Variants in PPL observed in about 807,000 individuals in gnomAD.
The protein encoded by PPL is periplakin.
PPL carries 198 observed loss-of-function variants against 194.4 expected under a neutral mutation model. The ratio of observed to expected loss-of-function variants is 1.02; its 90% CI spans 0.91 to 1.15. PPL has a LOEUF of 1.15. Ranked by LOEUF, PPL falls within the 50% of genes most tolerant of loss-of-function variation. The pLI is 0.00. For synonymous variants in PPL, 1,220 were observed against 972.4 expected, an observed-to-expected ratio of 1.25 and a Z score of -4.74; for missense variants, 2,885 against 2,294.8, an observed-to-expected ratio of 1.26 and a Z score of -5.25.
chr16:4,910,623 T>C (rs1222684234), intron 2 of PPL, among the ~76,000 whole-genome samples: 1 of 152,164 alleles, frequency 6.6e-6, no homozygotes, highest in East Asian at 1.9e-4. Flanking sequence ...TTGGCACCCC[T>C]GCCCTACAGT....
intron 14 of PPL, 128 bp from the exon 15 acceptor site, chr16:4,892,341 C>A: frequency 9.5e-7 from 1 of 1,057,130 alleles, no homozygotes; most frequent in Non-Finnish European, 1.3e-6. Context: ...CTGGCACATT[C>A]TGGGGCTCTG....
At chr16:4,897,332 C>CA (rs57191109) in intron 9 of PPL, among the ~76,000 whole-genome samples, 11,809 of 51,838 alleles carry the variant, frequency 0.23, 1,217 homozygotes, top group East Asian at 0.26. Flanking sequence ...AAGACTCTCT[C>CA]AAAAAAAAAA....
intron 6 of PPL, 31 bp from the exon 7 acceptor site, chr16:4,899,415 G>A (rs750456463): frequency 2.1e-5 from 32 of 1,549,978 alleles, no homozygotes; most frequent in Middle Eastern, 1.8e-4. Context: ...AAAGGGCTGC[G>A]TCCTCAGCCC....
chr16:4,901,698 T>C (rs964316297), intron 4 of PPL, among the ~76,000 whole-genome samples: 1 of 142,040 alleles, frequency 7.0e-6, no homozygotes, highest in African/African-American at 2.7e-5. Context: ...CAAAAATAAA[T>C]AAATAAATAA....
rs115478590 is a variant in PPL at position 4,902,510 on chromosome 16, C to T, written c.334G>A (p.Glu112Lys). 941 of 1,613,640 alleles carry T rather than the reference C, an allele frequency of 5.8e-4. 7 individuals carry two copies. In the African/African-American group the frequency reaches 0.011, roughly 19 times the overall value. ...MIAEDIRQLK[E>K]RVTNLRGKHK... Reference sequence around the variant, plus strand: ...TTCCCGCGCAGGTTGGTCACACGCTCCTTCAGCTGGCGGATACTGATGGGA... The same window carrying T: ...TTCCCGCGCAGGTTGGTCACACGCTTCTTCAGCTGGCGGATACTGATGGGA... Residue 112 changes from glutamate (E) to lysine (K), a missense_variant, in exon 4 of 22, where the codon GAG (glutamate) becomes AAG (lysine). Coordinates refer to ENST00000345988, the MANE Select transcript of PPL (RefSeq NM_002705.5). The surrounding 1 kb of genome is among the most constrained non-coding windows in gnomAD (Gnocchi z 4.0).
rs199792362 is a variant in PPL at position 4,909,424 on chromosome 16, C to CTTTTTTTTTTT, written c.162+1415_162+1425dup. Among the ~76,000 whole-genome samples, 53 of 118,228 alleles carry CTTTTTTTTTTT rather than the reference C, an allele frequency of 4.5e-4. 1 individual carries two copies. Among genetic ancestry groups the CTTTTTTTTTTT allele is most frequent in the African/African-American group, 1.7e-3 (43 of 25,364 alleles). 77.6% of individuals were successfully genotyped at this position (118,228 alleles called of 152,430 possible). On this transcript the variant is annotated intron_variant, in intron 2 of 21. Transcript: ENST00000345988. Reference sequence around the variant, plus strand: ...CAGCCTCCCACTCCTCTGGTCCCACCTTTTTTTTTTTTTTTTTTTTTTGAG... The same window carrying CTTTTTTTTTTT: ...CAGCCTCCCACTCCTCTGGTCCCACCTTTTTTTTTTTTTTTTTTTTTTTTTTTTTTTTTGAG...
At position 4,902,875 on chromosome 16, in the gene PPL, G is replaced by C. The variant is rs1347078247; in HGVS notation, c.318-349C>G. On this transcript the variant is annotated intron_variant, in intron 3 of 21. Transcript: ENST00000345988. This position sits in a 1 kb window ranked among gnomAD's most constrained non-coding sequence, Gnocchi z 4.0. Reference sequence around the variant, plus strand: ...TGGGTAATTTTGTATTTTCAGTAGAGACGGGGTTTCACCATGTTGGTCAGG... The same window carrying C: ...TGGGTAATTTTGTATTTTCAGTAGACACGGGGTTTCACCATGTTGGTCAGG... Among the ~76,000 whole-genome samples the C allele has an allele frequency of 6.6e-6, 1 of 152,162 alleles. No homozygotes were observed. The highest frequency in any genetic ancestry group is 2.4e-5 in the African/African-American group (1 of 41,448).
intron 17 of PPL, among the ~76,000 whole-genome samples, 168 bp downstream of exon 17, chr16:4,890,560 C>T (rs73519120): frequency 0.016 from 2,473 of 152,174 alleles, 60 homozygotes; most frequent in African/African-American, 0.056. Context: ...ATTACAGGAC[C>T]CAGGTAAGCA....
At chr16:4,936,548 G>A (rs1372071315) in intron 1 of PPL, among the ~76,000 whole-genome samples, 1 of 152,322 alleles carries the variant, frequency 6.6e-6, no homozygotes, top group Admixed American at 6.5e-5. Flanking sequence ...CCCCTGGACG[G>A]AGCTTCCTGG....
Position 4,890,196 on chromosome 16 carries a change from C to G in PPL, c.2301G>C (p.Leu767=). Residue 767 remains leucine, a synonymous_variant, in exon 18 of 22, where the codon CTG becomes CTC. Coordinates refer to ENST00000345988, the MANE Select transcript of PPL (RefSeq NM_002705.5). The stretch of plus-strand genomic sequence containing the variant: ...ACGGCCATCTCACCTTCTGGTTCTT[C>G]AGCTTGGTCTCCATCTGGCTGAGGC... The part of the protein sequence containing the change: ...TDSLSQMETK[L]KNQKNLLDEI... 2 of 1,614,192 alleles carry G rather than the reference C, an allele frequency of 1.2e-6. No homozygotes were observed. The highest frequency in any genetic ancestry group is 2.7e-5 in the African/African-American group (2 of 75,050).
chr16:4,887,294 A>G (rs2088234911), intron 20 of PPL, 67 bp from the exon 21 acceptor site: 2 of 1,182,820 alleles, frequency 1.7e-6, no homozygotes, highest in Non-Finnish European at 2.5e-6. Flanking sequence ...ACAGAGAGCT[A>G]GACAGCGTGG....
In PPL at chr16:4,883,270, A is replaced by G. The variant is rs1322135887; in HGVS notation, c.*114T>C. 7 of 1,405,248 alleles carry G rather than the reference A, an allele frequency of 5.0e-6. No individual in the cohort carries two copies. The highest frequency in any genetic ancestry group is 5.9e-6 in the Non-Finnish European group (6 of 1,023,788). The allele number at this position is 1,405,248 out of a possible 1,614,324, so 87.0% of individuals were successfully genotyped here. ...CTCTGAGCAGCCTGGCAGCGAGGGT[A>G]TGTATAAAATGCTTGGCCTGCACCA... On this transcript the variant is annotated 3_prime_UTR_variant, in exon 22 of 22. Coordinates refer to ENST00000345988, the MANE Select transcript of PPL (RefSeq NM_002705.5). This position sits in a 1 kb window ranked among gnomAD's most constrained non-coding sequence, Gnocchi z 4.8.
rs2142341412 is a variant in PPL, at chr16:4,891,802, T to C, written c.1968+9A>G. The C allele has an allele frequency of 6.2e-7, 1 of 1,605,540 alleles. No individual in the cohort carries two copies. Among genetic ancestry groups the C allele is most frequent in the Admixed American group, 1.7e-5 (1 of 59,104 alleles). Reference sequence around the variant, plus strand: ...AGAAGGACTCCCAGGACTTGGGCCCTAGACTCACCGCCAGCTCCTGCCCCT... The same window carrying C: ...AGAAGGACTCCCAGGACTTGGGCCCCAGACTCACCGCCAGCTCCTGCCCCT... On this transcript the variant is annotated intron_variant, in intron 16 of 21. Transcript: ENST00000345988.
intron 5 of PPL, 26 bp downstream of exon 5, chr16:4,900,938 C>T (rs758485449): frequency 1.9e-6 from 3 of 1,613,894 alleles, no homozygotes; most frequent in Non-Finnish European, 1.7e-6. Flanking sequence ...ATCCCTGGGT[C>T]CCCACCACAC....
intron 20 of PPL, among the ~76,000 whole-genome samples, chr16:4,887,551 A>C (rs1356981695): frequency 3.8e-4 from 58 of 152,224 alleles, no homozygotes. Context: ...TGAGCAAAAC[A>C]GGAACTTCCC....
Position 4,899,392 on chromosome 16 carries a change from G to C in PPL, c.607-8C>G. On this transcript the variant is annotated splice_polypyrimidine_tract_variant and splice_region_variant and intron_variant, in intron 6 of 21. Coordinates refer to ENST00000345988, the MANE Select transcript of PPL (RefSeq NM_002705.5). ...CCGGGCCTGTGATGCTGCCTGAAGG[G>C]GCCGGGGCAAGGAAAGGGCTGCGTC... 2 of 1,599,012 alleles carry C rather than the reference G, an allele frequency of 1.3e-6. No homozygotes were observed. Among genetic ancestry groups the C allele is most frequent in the Non-Finnish European group, 8.5e-7 (1 of 1,172,066 alleles).
At chr16:4,898,336 C>T (rs2088474901) in intron 8 of PPL, among the ~76,000 whole-genome samples, 3 of 152,176 alleles carry the variant, frequency 2.0e-5, no homozygotes. Flanking sequence ...CAAGATTACA[C>T]CATCGCACTC....
At position 4,885,756 on chromosome 16, in the gene PPL, G is replaced by A. The variant is rs1187149752; in HGVS notation, c.2899C>T (p.Leu967=). 3 of 1,612,412 alleles carry A rather than the reference G, an allele frequency of 1.9e-6. No individual in the cohort carries two copies. The African/African-American group carries it at 4.0e-5, about 22-fold the overall frequency. ...LAEEQHKNQL[L]QEELEALQLQ... Reference sequence around the variant, plus strand: ...TGCAGTGCCTCCAGCTCCTCCTGCAGCAGCTGGTTCTTGTGCTGCTCCTCT... The same window carrying A: ...TGCAGTGCCTCCAGCTCCTCCTGCAACAGCTGGTTCTTGTGCTGCTCCTCT... Residue 967 remains leucine, a synonymous_variant, in exon 22 of 22, where the codon CTG becomes TTG. Coordinates refer to ENST00000345988, the MANE Select transcript of PPL (RefSeq NM_002705.5). This position sits in a 1 kb window ranked among gnomAD's most constrained non-coding sequence, Gnocchi z 6.3.
intron 1 of PPL, among the ~76,000 whole-genome samples, chr16:4,917,626 C>T (rs944747366): frequency 1.3e-5 from 2 of 151,998 alleles, no homozygotes; most frequent in East Asian, 1.9e-4. Context: ...CTGGGCTGGG[C>T]GTGGTGGCTC....
Sources: allele counts gnomAD v4.1 joint callset (sites outside exome capture counted in the v4.1 genomes callset), GRCh38; gene constraint gnomAD v4.1.1; non-coding constraint Gnocchi (gnomAD v3.1); transcripts MANE v1.5; gene names NCBI Gene and HGNC (gene_info 2026-07-23, HGNC 2026-07-21).